CEP128: variants seen among roughly 807,000 people sequenced by gnomAD.
The protein encoded by CEP128 is centrosomal protein 128.
Under a neutral mutation model 156.7 loss-of-function variants are expected in CEP128, and 132 were observed. The observed-to-expected ratio is 0.84, with a 90% CI of 0.73 to 0.97. The LOEUF is 0.97. CEP128 is among the 50% of genes least tolerant of loss of function. CEP128 has a pLI of 0.00. For missense variants in CEP128, 1,252 were observed against 1,281.9 expected (o/e 0.98, Z 0.36); for synonymous variants, 469 against 448.9 (o/e 1.04, Z -0.57).
chr14:80,636,549 A>G (rs1458362369), intron 19 of CEP128, among the ~76,000 whole-genome samples: 1 of 152,106 alleles, frequency 6.6e-6, no homozygotes, highest in African/African-American at 2.4e-5. Context: ...TCTCTCTGCC[A>G]GCAATGGCAC....
intron 21 of CEP128, among the ~76,000 whole-genome samples, chr14:80,536,367 A>C (rs1269797335): frequency 6.6e-6 from 1 of 152,162 alleles, no homozygotes; most frequent in African/African-American, 2.4e-5. Flanking sequence ...ATGTGTTTTG[A>C]GGTTTAGATG....
chr14:80,833,734 T>C (rs1257842607), intron 12 of CEP128, among the ~76,000 whole-genome samples: 1 of 152,062 alleles, frequency 6.6e-6, no homozygotes, highest in African/African-American at 2.4e-5. Flanking sequence ...CCAGAATAGG[T>C]AAGACAAGAG....
chr14:80,859,170 G>A (rs1485550744), intron 9 of CEP128, among the ~76,000 whole-genome samples: 1 of 150,044 alleles, frequency 6.7e-6, no homozygotes, highest in African/African-American at 2.5e-5. Flanking sequence ...ATGACAGACT[G>A]GATTAAGAAA....
chr14:80,613,938 T>G (rs1893109544), intron 19 of CEP128, among the ~76,000 whole-genome samples: 1 of 152,210 alleles, frequency 6.6e-6, no homozygotes, highest in South Asian at 2.1e-4. Flanking sequence ...GGAAGACATT[T>G]AATGATTTAT....
intron 14 of CEP128, among the ~76,000 whole-genome samples, chr14:80,484,408 T>C (rs1159918906): frequency 6.6e-6 from 1 of 152,240 alleles, no homozygotes; most frequent in East Asian, 1.9e-4. Context: ...ACTTGGGTTA[T>C]CAATGTTACC....
At chr14:80,621,718 TC>T (rs1359883416) in intron 19 of CEP128, among the ~76,000 whole-genome samples, 1 of 152,360 alleles carries the variant, frequency 6.6e-6, no homozygotes, top group Middle Eastern at 3.4e-3. Context: ...TATATTTTTG[TC>T]TTTGGCTTCA....
chr14:80,590,642 G>C (rs1041681784), intron 19 of CEP128, among the ~76,000 whole-genome samples: 9 of 151,734 alleles, frequency 5.9e-5, no homozygotes, highest in Admixed American at 2.6e-4. Flanking sequence ...AAGAATATTA[G>C]AAGAGGAGAA....
At chr14:80,643,788 A>C (rs1894521943) in intron 19 of CEP128, among the ~76,000 whole-genome samples, 2 of 152,154 alleles carry the variant, frequency 1.3e-5, no homozygotes, top group Non-Finnish European at 2.9e-5. Context: ...GAGGCAGCAA[A>C]GCCTGGTGGC....
chr14:80,949,224 G>A lies in CEP128; in HGVS notation c.-172+8954C>T, dbSNP rs576046195. On this transcript the variant is annotated intron_variant, in intron 2 of 7. Transcript: ENST00000555529. ...AGCCTTATGATTGCCACAACTTACT[G>A]CCTTGAGAGAGTTTCCAAGTCATGG... 2.1e-4 allele frequency among the ~76,000 whole-genome samples: 32 copies of A among 152,264 alleles called. No individual in the cohort carries two copies. In the South Asian group the frequency reaches 6.4e-3, roughly 31 times the overall value.
rs1231558463 is a variant in CEP128 at position 80,840,762 on chromosome 14, T to G, written c.769A>C (p.Lys257Gln). 6.2e-7 allele frequency: 1 copy of G among 1,606,524 alleles called. No individual in the cohort carries two copies. Among genetic ancestry groups the G allele is most frequent in the South Asian group, 1.1e-5 (1 of 90,420 alleles). Residue 257 changes from lysine (K) to glutamine (Q), a missense_variant, in exon 10 of 25, where the codon AAG becomes CAG. By Grantham distance (53) the Lys-to-Gln change is moderately conservative (BLOSUM62 1). Coordinates refer to ENST00000555265, the MANE Select transcript of CEP128 (RefSeq NM_152446.5). ...LMSLQLQEAL[K>Q]KQEAKADEHE... Reference sequence around the variant, plus strand: ...TCATCTGCTTTAGCTTCTTGTTTCTTTAGTGCCTGGAATGAAAGAGGTGGA... The same window carrying G: ...TCATCTGCTTTAGCTTCTTGTTTCTGTAGTGCCTGGAATGAAAGAGGTGGA...
At chr14:80,808,699 C>G (rs1884329924) in intron 13 of CEP128, among the ~76,000 whole-genome samples, 1 of 152,090 alleles carries the variant, frequency 6.6e-6, no homozygotes, top group Non-Finnish European at 1.5e-5. Flanking sequence ...AAATTCACCA[C>G]AGCCTCCACT....
intron 19 of CEP128, among the ~76,000 whole-genome samples, chr14:80,732,576 T>C (rs544905905): frequency 6.6e-6 from 1 of 151,724 alleles, no homozygotes; most frequent in East Asian, 1.9e-4. Context: ...TTGTAAGTAA[T>C]TTATCACAAA....
intron 18 of CEP128, among the ~76,000 whole-genome samples, chr14:80,755,704 T>G (rs1899621270): frequency 6.6e-6 from 1 of 152,246 alleles, no homozygotes; most frequent in African/African-American, 2.4e-5. Flanking sequence ...GATCTTATCT[T>G]CAATACTTAT....
chr14:80,867,474 C>T (rs1595520952), intron 8 of CEP128, among the ~76,000 whole-genome samples: 1 of 152,050 alleles, frequency 6.6e-6, no homozygotes, highest in South Asian at 2.1e-4. Flanking sequence ...TCTGTACAGA[C>T]AACAAAATCA....
At chr14:80,871,574 A>G (rs1888029929) in intron 8 of CEP128, among the ~76,000 whole-genome samples, 1 of 152,140 alleles carries the variant, frequency 6.6e-6, no homozygotes, top group Admixed American at 6.5e-5. Flanking sequence ...CCTTAACCTA[A>G]AGACATATAT....
chr14:80,583,843 CTAT>C (rs1891692308), intron 19 of CEP128, among the ~76,000 whole-genome samples: 1 of 152,184 alleles, frequency 6.6e-6, no homozygotes, highest in Non-Finnish European at 1.5e-5. Context: ...CTTCTTATCT[CTAT>C]TCAGAAACCT....
intron 19 of CEP128, among the ~76,000 whole-genome samples, chr14:80,641,159 A>T (rs150552744): frequency 2.1e-3 from 325 of 152,306 alleles, no homozygotes; most frequent in African/African-American, 7.7e-3. Flanking sequence ...CATAACCAAT[A>T]GTAACACAAT....
chr14:80,893,874 T>A (rs1566698865), intron 8 of CEP128, among the ~76,000 whole-genome samples: 1 of 151,982 alleles, frequency 6.6e-6, no homozygotes, highest in African/African-American at 2.4e-5. Flanking sequence ...TTTGTGTATA[T>A]GAACATTTGA....
intron 19 of CEP128, among the ~76,000 whole-genome samples, chr14:80,684,934 G>A (rs922996597): frequency 1.8e-4 from 27 of 152,126 alleles, no homozygotes; most frequent in African/African-American, 4.3e-4. Context: ...ACTAGGCATC[G>A]AAGGAACATA....
Sources: gnomAD v4.1 joint callset for allele counts (sites outside exome capture counted in the v4.1 genomes callset) on GRCh38, gnomAD v4.1.1 for gene constraint, MANE v1.5 for transcripts, NCBI Gene and HGNC (gene_info 2026-07-23, HGNC 2026-07-21) for gene names.